The following NUP210 variants were observed in gnomAD, a reference collection of about 807,000 sequenced individuals.
NUP210 encodes the protein nucleoporin 210.
In NUP210, 151 loss-of-function variants were observed where a neutral mutation model predicts 196.0. That is an observed-to-expected ratio of 0.77 (90% CI 0.67 to 0.88). The LOEUF is 0.88. Ranked by LOEUF, NUP210 falls within the 40% of genes least tolerant of loss-of-function variation. NUP210 has a pLI of 0.00. For missense variants in NUP210, 2,314 were observed against 2,493.7 expected, an observed-to-expected ratio of 0.93 and a Z score of 1.53; for synonymous variants, 1,070 against 1,052.7, an observed-to-expected ratio of 1.02 and a Z score of -0.32.
intron 20 of NUP210, among the ~76,000 whole-genome samples, chr3:13,346,928 C>T (rs1039576989): frequency 2.0e-5 from 3 of 152,224 alleles, no homozygotes; most frequent in African/African-American, 7.2e-5. Flanking sequence ...CTGGATGAAA[C>T]TTCACACAGG....
At position 13,358,304 on chromosome 3, in the gene NUP210, G is replaced by A. The variant is rs777253409; in HGVS notation, c.2246C>T (p.Pro749Leu). The A allele has an allele frequency of 1.6e-5, 26 of 1,613,704 alleles. No homozygotes were observed. Among genetic ancestry groups the A allele is most frequent in the Non-Finnish European group, 1.9e-5 (23 of 1,179,876 alleles). ...PAVVKFVCAPPSRLTLAPVYT... is the reference protein window; with the variant it reads ...PAVVKFVCAPLSRLTLAPVYT... Reference sequence around the variant, plus strand: ...GACAGGCGCGAGGGTGAGCCTGGACGGTGGGGCGCAGACGAACTTCACCAC... The same window carrying A: ...GACAGGCGCGAGGGTGAGCCTGGACAGTGGGGCGCAGACGAACTTCACCAC... Residue 749 changes from proline (P) to leucine (L), a missense_variant, in exon 16 of 40, where the codon CCG becomes CTG. Transcript: ENST00000254508.
At chr3:13,366,142 T>C in intron 13 of NUP210, 51 bp from the exon 14 acceptor site, 1 of 1,577,128 alleles carries the variant, frequency 6.3e-7, no homozygotes, top group Non-Finnish European at 8.6e-7. Context: ...TTTTTTCTTT[T>C]TTTTGAGATG....
chr3:13,418,785 C>T (rs998288424), intron 1 of NUP210, among the ~76,000 whole-genome samples: 3 of 151,208 alleles, frequency 2.0e-5, no homozygotes, highest in Admixed American at 1.3e-4. Flanking sequence ...CTGGAGTGCA[C>T]TCTAAAAACA....
In NUP210 at chr3:13,327,323, C is replaced by T. The variant is rs116005523; in HGVS notation, c.4401G>A (p.Ser1467=). The change falls in exon 32 of 40, where the codon TCG becomes TCA. Residue 1467 remains serine (S), a synonymous_variant. Coordinates refer to ENST00000254508, the MANE Select transcript of NUP210 (RefSeq NM_024923.4). ...GTAGGACAGGCAGGGGCATGAAGTC[C>T]GAGAGGCCCGGGTGCTCTGCGTCCC... ...RVWDAEHPGL[S]DFMPLPVLQA... is the part of the protein sequence containing the mutation. 3.9e-4 allele frequency: 627 copies of T among 1,613,428 alleles called. 4 individuals carry two copies. In the African/African-American group the frequency reaches 6.9e-3, roughly 18 times the overall value.
intron 1 of NUP210, among the ~76,000 whole-genome samples, chr3:13,410,724 C>T (rs1403157550): frequency 2.7e-5 from 4 of 150,360 alleles, no homozygotes; most frequent in Non-Finnish European, 5.9e-5. Context: ...GAGACCATCC[C>T]GGCTAACATG....
chr3:13,339,780 G>A, intron 25 of NUP210, 74 bp downstream of exon 25: 2 of 1,361,858 alleles, frequency 1.5e-6, no homozygotes, highest in Non-Finnish European at 2.1e-6. Flanking sequence ...GGTCCTCAGA[G>A]GTAGAACTCA....
chr3:13,361,202 C>T (rs747554756), intron 14 of NUP210, among the ~76,000 whole-genome samples: 1 of 152,244 alleles, frequency 6.6e-6, no homozygotes, highest in Non-Finnish European at 1.5e-5. Flanking sequence ...TATGCACGAG[C>T]TTCGAGGGTG....
intron 6 of NUP210, among the ~76,000 whole-genome samples, chr3:13,382,690 T>G (rs1348686787): frequency 6.6e-6 from 1 of 152,224 alleles, no homozygotes; most frequent in Non-Finnish European, 1.5e-5. Context: ...CCCATGTAAC[T>G]GTCATCCAAC....
At chr3:13,403,461 C>A (rs1210872860) in intron 1 of NUP210, among the ~76,000 whole-genome samples, 1 of 152,166 alleles carries the variant, frequency 6.6e-6, no homozygotes, top group Non-Finnish European at 1.5e-5. Flanking sequence ...AAGGTGCTAC[C>A]TCAAATGCCA....
At chr3:13,411,240 A>C (rs1186605515) in intron 1 of NUP210, among the ~76,000 whole-genome samples, 4 of 152,164 alleles carry the variant, frequency 2.6e-5, no homozygotes, top group Admixed American at 2.6e-4. Context: ...TCAGAAAAAT[A>C]AAAGTACTAC....
At chr3:13,355,174 G>A (rs1321586284) in intron 16 of NUP210, among the ~76,000 whole-genome samples, 1 of 152,172 alleles carries the variant, frequency 6.6e-6, no homozygotes, top group African/African-American at 2.4e-5. Context: ...CCTACATTCG[G>A]GTAGGAAAGT....
At chr3:13,341,670 C>T in intron 23 of NUP210, 78 bp downstream of exon 23, 1 of 1,512,278 alleles carries the variant, frequency 6.6e-7, no homozygotes, top group Admixed American at 1.8e-5. Context: ...ACAGTAGCTT[C>T]CTGGACTGTA....
chr3:13,404,523 CT>C (rs1699939102), intron 1 of NUP210, among the ~76,000 whole-genome samples: 1 of 152,204 alleles, frequency 6.6e-6, no homozygotes, highest in South Asian at 2.1e-4. Flanking sequence ...TATCTTCCCC[CT>C]AATGTTAGTT....
At chr3:13,341,678 G>A (rs189156923) in intron 23 of NUP210, 70 bp downstream of exon 23, 62 of 1,558,964 alleles carry the variant, frequency 4.0e-5, no homozygotes. Flanking sequence ...TTCCTGGACT[G>A]TACTATAAAG....
chr3:13,405,956 A>G, intron 1 of NUP210, among the ~76,000 whole-genome samples: 1 of 152,346 alleles, frequency 6.6e-6, no homozygotes, highest in Admixed American at 6.5e-5. Context: ...ACTATTACAT[A>G]TTCATTTAAG....
intron 15 of NUP210, 45 bp downstream of exon 15, chr3:13,360,225 C>A (rs1179337665): frequency 5.3e-6 from 8 of 1,504,502 alleles, no homozygotes; most frequent in Non-Finnish European, 7.4e-6. Context: ...TCATTTTCCA[C>A]CCCTGCCTTA....
At chr3:13,330,947 C>T (rs1434251396) in intron 29 of NUP210, among the ~76,000 whole-genome samples, 2 of 152,182 alleles carry the variant, frequency 1.3e-5, no homozygotes, top group Non-Finnish European at 2.9e-5. Context: ...TTCATCAGCT[C>T]CATGGGACAT....
At chr3:13,356,243 A>G (rs1698169162) in intron 16 of NUP210, among the ~76,000 whole-genome samples, 1 of 152,252 alleles carries the variant, frequency 6.6e-6, no homozygotes, top group Non-Finnish European at 1.5e-5. Flanking sequence ...CTCCTCACCA[A>G]TAATTTAATC....
chr3:13,413,277 C>A (rs1434379866), intron 1 of NUP210, among the ~76,000 whole-genome samples: 2 of 151,882 alleles, frequency 1.3e-5, no homozygotes, highest in Non-Finnish European at 1.5e-5. Context: ...ACCATCCTGG[C>A]TAACATGGTG....
Sources: gnomAD v4.1 joint callset for allele counts (sites outside exome capture counted in the v4.1 genomes callset) on GRCh38, gnomAD v4.1.1 for gene constraint, MANE v1.5 for transcripts, NCBI Gene and HGNC (gene_info 2026-07-23, HGNC 2026-07-21) for gene names.